The following JPH4 variants were observed in gnomAD, a reference collection of about 807,000 sequenced individuals.
JPH4 encodes the protein junctophilin-4.
JPH4 carries 18 observed loss-of-function variants against 57.6 expected under a neutral mutation model. The ratio of observed to expected loss-of-function variants is 0.31; its 90% CI spans 0.22 to 0.46. The LOEUF is 0.46. Among genes scored for constraint, JPH4 ranks in the 20% least tolerant of loss-of-function variants. The pLI is 1.00. For synonymous variants in JPH4, 425 were observed against 406.6 expected (o/e 1.05, Z -0.54); for missense variants, 727 against 911.1 (o/e 0.80, Z 2.60).
At chr14:23,578,110 G>T (rs1021915949) in intron 1 of JPH4, 70 bp downstream of exon 1, 5 of 150,828 alleles carry the variant, frequency 3.3e-5, no homozygotes, top group African/African-American at 1.2e-4. Context: ...GGGCCCAGGG[G>T]AGGCTCTGCA....
At position 23,575,786 on chromosome 14, in the gene JPH4, G is replaced by A; in HGVS notation, c.1050C>T (p.Ala350=). ...TCTCCTTAACCTTGCCCCGCCGAAG[G>A]GCCAGAGGCAGGAGACTGCGGACGC... ...GGRVRSLLPL[A]LRRGKVKEKV... The change falls in exon 3 of 6, where the codon GCC becomes GCT. Residue 350 remains alanine (A), a synonymous_variant. Transcript: ENST00000356300. This position sits in a 1 kb window ranked among gnomAD's most constrained non-coding sequence, Gnocchi z 6.9. The A allele has an allele frequency of 6.3e-7, 1 of 1,596,456 alleles. No homozygotes were observed. The highest frequency in any genetic ancestry group is 1.7e-4 in the Middle Eastern group (1 of 6,040).
chr14:23,577,388 C>T lies in JPH4; in HGVS notation c.66G>A (p.Gly22=), dbSNP rs572493223. Residue 22 remains glycine (G), a synonymous_variant, in exon 2 of 6, where the codon GGG becomes GGA. Coordinates refer to ENST00000356300, the MANE Select transcript of JPH4 (RefSeq NM_001146028.2). The surrounding 1 kb of genome is among the most constrained non-coding windows in gnomAD (Gnocchi z 8.4). ...GGCYVGGWEA[G]RAHGYGVCTG... ...TGCACACGCCGTAGCCATGTGCCCG[C>T]CCCGCCTCCCAGCCCCCCACGTAGC... 1.3e-4 allele frequency: 196 copies of T among 1,487,606 alleles called. No homozygotes were observed. The highest frequency in any genetic ancestry group is 1.7e-4 in the Non-Finnish European group (188 of 1,121,232). The allele number at this position is 1,487,606 out of a possible 1,614,324, so 92.2% of individuals were successfully genotyped here.
At chr14:23,570,641 T>G (rs1002733198) in intron 5 of JPH4, among the ~76,000 whole-genome samples, 2 of 152,100 alleles carry the variant, frequency 1.3e-5, no homozygotes, top group Non-Finnish European at 2.9e-5. Flanking sequence ...CCCAAAGTGT[T>G]GGGATTACAG....
chr14:23,568,181 G>A lies in JPH4; in HGVS notation c.*1453C>T. 13 of 985,890 alleles carry A rather than the reference G, an allele frequency of 1.3e-5. No individual in the cohort carries two copies. Among genetic ancestry groups the A allele is most frequent in the Non-Finnish European group, 1.4e-5 (12 of 829,952 alleles). 61.1% of individuals were successfully genotyped at this position (985,890 alleles called of 1,614,324 possible). A position where few individuals can be genotyped will look rare whatever the true frequency, so the allele number is the denominator to read the frequency against. On this transcript the variant is annotated 3_prime_UTR_variant, in exon 6 of 6. Coordinates refer to ENST00000356300, the MANE Select transcript of JPH4 (RefSeq NM_001146028.2). ...TAGAAATCAGAAGTAAAGGTTGAGA[G>A]GGGAGGAAGGAGGGAGGCAAGCCAA...
At position 23,572,101 on chromosome 14, in the gene JPH4, C is replaced by T. The variant is rs1313173846; in HGVS notation, c.1152-181G>A. Among the ~76,000 whole-genome samples the T allele has an allele frequency of 3.3e-5, 5 of 152,214 alleles. 1 individual carries two copies. Among genetic ancestry groups the T allele is most frequent in the African/African-American group, 1.2e-4 (5 of 41,518 alleles). On this transcript the variant is annotated intron_variant, in intron 3 of 5. Transcript: ENST00000356300. Reference sequence around the variant, plus strand: ...CTTCCTGGCAGGCCAGGGCAGCTCCCGTTTGGTTTCCTCCCCCTGACCTGG... The same window carrying T: ...CTTCCTGGCAGGCCAGGGCAGCTCCTGTTTGGTTTCCTCCCCCTGACCTGG...
chr14:23,576,913 G>A lies in JPH4; in HGVS notation c.379+162C>T, dbSNP rs1234548809. Among the ~76,000 whole-genome samples, 4 of 152,160 alleles carry A rather than the reference G, an allele frequency of 2.6e-5. No individual in the cohort carries two copies. The highest frequency in any genetic ancestry group is 6.5e-5 in the Admixed American group (1 of 15,280). ...AGACAATTGAGGAAAGCATAATCAT[G>A]GTGGGAGAGAGCAGAAATTGGGGGC... On this transcript the variant is annotated intron_variant, in intron 2 of 5. Coordinates refer to ENST00000356300, the MANE Select transcript of JPH4 (RefSeq NM_001146028.2). The surrounding 1 kb of genome is among the most constrained non-coding windows in gnomAD (Gnocchi z 8.0).
In JPH4 at chr14:23,575,323, A is replaced by G. The variant is rs1889245573; in HGVS notation, c.1151+362T>C. The G allele has an allele frequency of 3.0e-6, 1 of 337,940 alleles. No individual in the cohort carries two copies. The highest frequency in any genetic ancestry group is 5.5e-6 in the Non-Finnish European group (1 of 181,080). The allele number at this position is 337,940 out of a possible 1,614,324, so 20.9% of individuals were successfully genotyped here. ...CTGGATCAGCTGCAAGAGGAGGAAG[A>G]CTAGGGACATGTTTTGAGTTCCAAG... is the stretch of plus-strand genomic sequence containing the variant. On this transcript the variant is annotated intron_variant, in intron 3 of 5. Transcript: ENST00000356300. This position sits in a 1 kb window ranked among gnomAD's most constrained non-coding sequence, Gnocchi z 6.9.
Position 23,577,546 on chromosome 14 carries a change from G to T in JPH4, c.-93C>A. 4 of 1,144,554 alleles carry T rather than the reference G, an allele frequency of 3.5e-6. No homozygotes were observed. Among genetic ancestry groups the T allele is most frequent in the Non-Finnish European group, 4.6e-6 (4 of 873,546 alleles). The allele number at this position is 1,144,554 out of a possible 1,614,324, so 70.9% of individuals were successfully genotyped here. A position where few individuals can be genotyped will look rare whatever the true frequency, so the allele number is the denominator to read the frequency against. On this transcript the variant is annotated 5_prime_UTR_variant, in exon 2 of 6. Transcript: ENST00000356300. The surrounding 1 kb of genome is among the most constrained non-coding windows in gnomAD (Gnocchi z 8.4). ...GGGCCTTGGAGCCGGGCGAGGCCTC[G>T]GGGCGGGGGCAGTTAGACCGGGGCC...
At position 23,576,968 on chromosome 14, in the gene JPH4, G is replaced by T. The variant is rs563808219; in HGVS notation, c.379+107C>A. On this transcript the variant is annotated intron_variant, in intron 2 of 5. Transcript: ENST00000356300. The surrounding 1 kb of genome is among the most constrained non-coding windows in gnomAD (Gnocchi z 8.0). ...GGTCACATCGATGGGGAATGGTGGC[G>T]GGGGAAAGAAGGATGGGCGCAAGGG... 200 of 1,294,100 alleles carry T rather than the reference G, an allele frequency of 1.5e-4. 6 individuals carry two copies. The South Asian group carries it at 3.1e-3, about 20-fold the overall frequency. 80.2% of individuals were successfully genotyped at this position (1,294,100 alleles called of 1,614,324 possible). A position where few individuals can be genotyped will look rare whatever the true frequency, so the allele number is the denominator to read the frequency against.
Position 23,569,659 on chromosome 14 carries a change from A to T in JPH4, c.1862T>A (p.Phe621Tyr). ...AVALLDLSLA[F>Y]LFSQLLT The stretch of plus-strand genomic sequence containing the variant: ...TCAGGTGAGGAGCTGGGAGAACAGG[A>T]ATGCCAGGCTGAGGTCCAGGAGGGC... The change falls in exon 6 of 6, where the codon TTC becomes TAC. Residue 621 changes from phenylalanine (F) to tyrosine (Y), a missense_variant. This residue lies in a region of JPH4 where 12 missense variants were observed against 29.5 expected (regional missense o/e 0.41). Coordinates refer to ENST00000356300, the MANE Select transcript of JPH4 (RefSeq NM_001146028.2). The surrounding 1 kb of genome is among the most constrained non-coding windows in gnomAD (Gnocchi z 4.8). 1 of 1,553,022 alleles carries T rather than the reference A, an allele frequency of 6.4e-7. No homozygotes were observed. The highest frequency in any genetic ancestry group is 8.7e-7 in the Non-Finnish European group (1 of 1,147,898).
intron 3 of JPH4, chr14:23,572,687 T>A: frequency 3.4e-6 from 2 of 582,720 alleles, no homozygotes; most frequent in South Asian, 4.2e-5. Context: ...CATGCTTTCC[T>A]GAGCTCTGGA....
In JPH4 at chr14:23,575,454, T is replaced by C; in HGVS notation, c.1151+231A>G. The C allele has an allele frequency of 1.7e-6, 1 of 590,260 alleles. No homozygotes were observed. The highest frequency in any genetic ancestry group is 3.0e-6 in the Non-Finnish European group (1 of 331,728). 36.6% of individuals were successfully genotyped at this position (590,260 alleles called of 1,614,324 possible). On this transcript the variant is annotated intron_variant, in intron 3 of 5. Coordinates refer to ENST00000356300, the MANE Select transcript of JPH4 (RefSeq NM_001146028.2). This position sits in a 1 kb window ranked among gnomAD's most constrained non-coding sequence, Gnocchi z 6.9. ...AAAAGACACCGAGACACATTTACAG[T>C]CTTACACCATCTCCCTCAAATACCC...
Position 23,571,873 on chromosome 14 carries a change from T to G in JPH4, c.1199A>C (p.Glu400Ala). ...LKAVAASSVA[E>A]KAVEAARMAK... The stretch of plus-strand genomic sequence containing the variant: ...CATTCGAGCTGCCTCCACGGCCTTC[T>G]CAGCGACACTGCTGGCTGCCACTGC... The change falls in exon 4 of 6, where the codon GAG (glutamate) becomes GCG (alanine). Residue 400 changes from glutamate to alanine, a missense_variant. Glu to Ala is a moderately radical substitution (Grantham distance 107, BLOSUM62 -1). Coordinates refer to ENST00000356300, the MANE Select transcript of JPH4 (RefSeq NM_001146028.2). This position sits in a 1 kb window ranked among gnomAD's most constrained non-coding sequence, Gnocchi z 4.6. 1 of 1,613,022 alleles carries G rather than the reference T, an allele frequency of 6.2e-7. No individual in the cohort carries two copies. The highest frequency in any genetic ancestry group is 8.5e-7 in the Non-Finnish European group (1 of 1,179,916).
At chr14:23,573,125 T>C (rs1889193852) in intron 3 of JPH4, 1 of 609,298 alleles carries the variant, frequency 1.6e-6, no homozygotes, top group Admixed American at 2.8e-5. Context: ...GAAGGCAGTC[T>C]GGTATGGGGG....
At position 23,577,060 on chromosome 14, in the gene JPH4, G is replaced by A; in HGVS notation, c.379+15C>T. 1 of 1,508,310 alleles carries A rather than the reference G, an allele frequency of 6.6e-7. No homozygotes were observed. The highest frequency in any genetic ancestry group is 8.8e-7 in the Non-Finnish European group (1 of 1,130,262). The allele number at this position is 1,508,310 out of a possible 1,614,324, so 93.4% of individuals were successfully genotyped here. On this transcript the variant is annotated intron_variant, in intron 2 of 5. Transcript: ENST00000356300. This position sits in a 1 kb window ranked among gnomAD's most constrained non-coding sequence, Gnocchi z 8.4. Reference sequence around the variant, plus strand: ...GCGGACGAGCAGACAGACACTGGTGGGCCGGGCCCCGCACCTCCGTCGGAG... The same window carrying A: ...GCGGACGAGCAGACAGACACTGGTGAGCCGGGCCCCGCACCTCCGTCGGAG...
chr14:23,571,730 GT>G lies in JPH4; in HGVS notation c.1270+71del. The G allele has an allele frequency of 2.2e-6, 3 of 1,391,752 alleles. No homozygotes were observed. The highest frequency in any genetic ancestry group is 1.0e-6 in the Non-Finnish European group (1 of 995,446). 86.2% of individuals were successfully genotyped at this position (1,391,752 alleles called of 1,614,324 possible). ...ACTTCCCTTGCAGGGCTTCTCATCTGTTTCCCCACACCTGAGCCTCTCTAGC... is the reference window on the plus strand; with the variant it reads ...ACTTCCCTTGCAGGGCTTCTCATCTGTTCCCCACACCTGAGCCTCTCTAGC... On this transcript the variant is annotated intron_variant, in intron 4 of 5. Transcript: ENST00000356300. The surrounding 1 kb of genome is among the most constrained non-coding windows in gnomAD (Gnocchi z 4.6).
At chr14:23,573,042 C>T (rs935351189) in intron 3 of JPH4, 7 of 679,584 alleles carry the variant, frequency 1.0e-5, no homozygotes, top group East Asian at 5.4e-5. Context: ...GGCAGGCCGA[C>T]GAGCTGCCAT....
Position 23,569,597 on chromosome 14 carries a change from C to T in JPH4, c.*37G>A. The stretch of plus-strand genomic sequence containing the variant: ...AAGGCAGGTCAAAGGGGTGAAGAGG[C>T]ACGCAACCAAAGCCAGAACCAGGCC... On this transcript the variant is annotated 3_prime_UTR_variant, in exon 6 of 6. Transcript: ENST00000356300. This position sits in a 1 kb window ranked among gnomAD's most constrained non-coding sequence, Gnocchi z 4.8. 2 of 1,450,322 alleles carry T rather than the reference C, an allele frequency of 1.4e-6. No homozygotes were observed. Among genetic ancestry groups the T allele is most frequent in the Non-Finnish European group, 1.9e-6 (2 of 1,054,518 alleles). The allele number at this position is 1,450,322 out of a possible 1,614,324, so 89.8% of individuals were successfully genotyped here.
Position 23,568,693 on chromosome 14 carries a change from T to A in JPH4, c.*941A>T. On this transcript the variant is annotated 3_prime_UTR_variant, in exon 6 of 6. Coordinates refer to ENST00000356300, the MANE Select transcript of JPH4 (RefSeq NM_001146028.2). ...CACCACAACTCCCAGAGTTGGGATGTGGGGGCCTTGCTCAAGTGCCTCTAA... is the reference window on the plus strand; with the variant it reads ...CACCACAACTCCCAGAGTTGGGATGAGGGGGCCTTGCTCAAGTGCCTCTAA... The A allele has an allele frequency of 1.0e-6, 1 of 985,930 alleles. No homozygotes were observed. The highest frequency in any genetic ancestry group is 1.2e-6 in the Non-Finnish European group (1 of 829,992). 61.1% of individuals were successfully genotyped at this position (985,930 alleles called of 1,614,324 possible). A position where few individuals can be genotyped will look rare whatever the true frequency, so the allele number is the denominator to read the frequency against.
Sources: allele counts gnomAD v4.1 joint callset (sites outside exome capture counted in the v4.1 genomes callset), GRCh38; gene constraint gnomAD v4.1.1; regional missense constraint gnomAD v4.1.1; non-coding constraint Gnocchi (gnomAD v3.1); transcripts MANE v1.5; gene names NCBI Gene and HGNC (gene_info 2026-07-23, HGNC 2026-07-21).